The following SLC25A48 variants were observed in gnomAD, a reference collection of about 807,000 sequenced individuals.
SLC25A48 encodes the protein solute carrier family 25 member 48.
SLC25A48 carries 29 observed loss-of-function variants against 32.2 expected under a neutral mutation model. That is an observed-to-expected ratio of 0.90 (90% CI 0.67 to 1.23). SLC25A48 has a LOEUF of 1.23. Among genes scored for constraint, SLC25A48 ranks in the 50% most tolerant of loss-of-function variants. SLC25A48 has a pLI of 0.00. For missense variants in SLC25A48, 399 were observed against 422.7 expected, an observed-to-expected ratio of 0.94 and a Z score of 0.49; for synonymous variants, 164 against 172.3, an observed-to-expected ratio of 0.95 and a Z score of 0.38.
intron 3 of SLC25A48, among the ~76,000 whole-genome samples, chr5:135,757,613 T>C (rs1013637984): frequency 6.8e-6 from 1 of 147,498 alleles, no homozygotes; most frequent in Non-Finnish European, 1.5e-5. Context: ...TTCTAGATGA[T>C]ATTAATAAAA....
At chr5:135,842,532 C>A in intron 2 of SLC25A48, 73 bp downstream of exon 2, 1 of 1,434,524 alleles carries the variant, frequency 7.0e-7, no homozygotes, top group Non-Finnish European at 9.8e-7. Flanking sequence ...ACTATTCCTG[C>A]TGTTTCTAAT....
At chr5:135,789,204 CCG>C (rs1491404814) in intron 3 of SLC25A48, among the ~76,000 whole-genome samples, 36 of 148,714 alleles carry the variant, frequency 2.4e-4, no homozygotes, top group South Asian at 6.4e-4. Flanking sequence ...ACACCCTCCC[CCG>C]CCACGATATG....
intron 4 of SLC25A48, among the ~76,000 whole-genome samples, chr5:135,861,352 CTA>C (rs1005941232): frequency 6.6e-6 from 1 of 151,542 alleles, no homozygotes; most frequent in African/African-American, 2.4e-5. Flanking sequence ...CTGAAAGAGT[CTA>C]TGTAGTATGG....
Position 135,871,723 on chromosome 5 carries a change from G to A in SLC25A48, c.679+5G>A, listed in dbSNP as rs773458157. 3 of 1,612,698 alleles carry A rather than the reference G, an allele frequency of 1.9e-6. No individual in the cohort carries two copies. Among genetic ancestry groups the A allele is most frequent in the Admixed American group, 1.7e-5 (1 of 59,914 alleles). On this transcript the variant is annotated splice_donor_5th_base_variant and intron_variant, in intron 5 of 7. Coordinates refer to ENST00000681962, the MANE Select transcript of SLC25A48 (RefSeq NM_001349336.2). Reference sequence around the variant, plus strand: ...GGCTGGCGGGCGGCATGGCAGGTAAGGGCAGCAGCAGCTGGAGCCGCACCC... The same window carrying A: ...GGCTGGCGGGCGGCATGGCAGGTAAAGGCAGCAGCAGCTGGAGCCGCACCC...
intron 3 of SLC25A48, among the ~76,000 whole-genome samples, chr5:135,793,700 C>T (rs962932531): frequency 1.3e-5 from 2 of 151,546 alleles, no homozygotes; most frequent in African/African-American, 4.8e-5. Flanking sequence ...TTGTAATATC[C>T]TGGGGAGATA....
At chr5:135,730,849 G>A (rs1376342992) in intron 3 of SLC25A48, among the ~76,000 whole-genome samples, 1 of 152,206 alleles carries the variant, frequency 6.6e-6, no homozygotes, top group East Asian at 1.9e-4. Context: ...CCTAGAAGGT[G>A]AGTATCATTA....
chr5:135,832,231 G>A (rs574979940), upstream of SLC25A48, among the ~76,000 whole-genome samples: 1 of 152,244 alleles, frequency 6.6e-6, no homozygotes, highest in South Asian at 2.1e-4. Flanking sequence ...GTGGGTGAGG[G>A]TCCAGATGGG....
At chr5:135,725,792 C>T (rs1363816330) in intron 3 of SLC25A48, among the ~76,000 whole-genome samples, 3 of 151,998 alleles carry the variant, frequency 2.0e-5, no homozygotes, top group African/African-American at 7.3e-5. Context: ...GTGTCCTCAT[C>T]AGAGGCAGTT....
intron 3 of SLC25A48, among the ~76,000 whole-genome samples, chr5:135,787,876 G>C (rs1338067220): frequency 6.6e-6 from 1 of 151,744 alleles, no homozygotes; most frequent in South Asian, 2.1e-4. Context: ...ATGTCACAAA[G>C]GGTGTACACC....
At chr5:135,798,317 G>T (rs948750022) in intron 3 of SLC25A48, among the ~76,000 whole-genome samples, 2 of 151,640 alleles carry the variant, frequency 1.3e-5, no homozygotes, top group Admixed American at 1.3e-4. Context: ...ATCGCAGGTG[G>T]TGTACAGCAC....
At chr5:135,765,466 C>A (rs943251863) in intron 3 of SLC25A48, among the ~76,000 whole-genome samples, 2 of 151,352 alleles carry the variant, frequency 1.3e-5, no homozygotes, top group African/African-American at 4.9e-5. Context: ...GGCGTGTACA[C>A]CCCCTTGTGA....
intron 3 of SLC25A48, among the ~76,000 whole-genome samples, chr5:135,763,936 G>A (rs971236202): frequency 2.6e-5 from 4 of 152,104 alleles, no homozygotes; most frequent in African/African-American, 9.7e-5. Context: ...GCAGTGGCGC[G>A]ATCTCAGTTC....
At chr5:135,704,184 C>T (rs970554659) in intron 3 of SLC25A48, among the ~76,000 whole-genome samples, 43 of 152,150 alleles carry the variant, frequency 2.8e-4, no homozygotes, top group Admixed American at 2.6e-3. Context: ...TGGAGGATGT[C>T]GGGACCAGGA....
intron 3 of SLC25A48, among the ~76,000 whole-genome samples, chr5:135,764,040 G>A (rs1006680623): frequency 2.0e-4 from 30 of 152,098 alleles, no homozygotes; most frequent in Non-Finnish European, 4.1e-4. Context: ...TATTTCGGGG[G>A]ATGTGATATG....
chr5:135,853,535 C>T (rs1760064148), intron 4 of SLC25A48, among the ~76,000 whole-genome samples: 1 of 152,222 alleles, frequency 6.6e-6, no homozygotes, highest in Admixed American at 6.5e-5. Flanking sequence ...GAAAAACTGT[C>T]TTTCTCATCC....
intron 3 of SLC25A48, among the ~76,000 whole-genome samples, chr5:135,679,593 T>C (rs1040080621): frequency 1.5e-4 from 23 of 152,176 alleles, no homozygotes; most frequent in Non-Finnish European, 2.8e-4. Flanking sequence ...GGGGATTTTT[T>C]CCTCAGGGCA....
In SLC25A48 at chr5:135,871,584, G is replaced by A. The variant is rs368486879; in HGVS notation, c.545G>A (p.Ser182Asn). The A allele has an allele frequency of 6.2e-7, 1 of 1,614,224 alleles. No individual in the cohort carries two copies. The highest frequency in any genetic ancestry group is 8.5e-7 in the Non-Finnish European group (1 of 1,180,034). The change falls in exon 5 of 8, where the codon AGT becomes AAT. Residue 182 changes from serine (S) to asparagine (N), a missense_variant. Coordinates refer to ENST00000681962, the MANE Select transcript of SLC25A48 (RefSeq NM_001349336.2). ...EGLAGLYRGA[S>N]AMLLRDVPGY... ...CTGGCGGGGCTATACCGGGGGGCCAGTGCCATGCTGCTGAGGGATGTCCCA... is the reference window on the plus strand; with the variant it reads ...CTGGCGGGGCTATACCGGGGGGCCAATGCCATGCTGCTGAGGGATGTCCCA...
chr5:135,852,701 C>T lies in SLC25A48; in HGVS notation c.301C>T (p.Arg101Cys), dbSNP rs748123978. 6.2e-6 allele frequency: 10 copies of T among 1,614,042 alleles called. No individual in the cohort carries two copies. The highest frequency in any genetic ancestry group is 6.8e-6 in the Non-Finnish European group (8 of 1,180,040). Residue 101 changes from arginine (R) to cysteine (C), a missense_variant, in exon 4 of 8, where the codon CGC becomes TGC. Transcript: ENST00000681962. Reference sequence around the variant, plus strand: ...CGGGGAGCCAGAGGCCAGTCCTCCCCGCACGCTGTCAGACCTGCTCCTGGC... The same window carrying T: ...CGGGGAGCCAGAGGCCAGTCCTCCCTGCACGCTGTCAGACCTGCTCCTGGC... ...RCGEPEASPP[R>C]TLSDLLLASM...
chr5:135,794,534 C>G (rs1019507022), intron 3 of SLC25A48, among the ~76,000 whole-genome samples: 1 of 151,600 alleles, frequency 6.6e-6, no homozygotes, highest in Non-Finnish European at 1.5e-5. Flanking sequence ...TTCTTAATAT[C>G]CAGGGGAAAA....
Sources: gnomAD v4.1 joint callset for allele counts (sites outside exome capture counted in the v4.1 genomes callset) on GRCh38, gnomAD v4.1.1 for gene constraint, MANE v1.5 for transcripts, NCBI Gene and HGNC (gene_info 2026-07-23, HGNC 2026-07-21) for gene names.